Variants in NDUFA10 observed in about 807,000 individuals in gnomAD.
The protein encoded by NDUFA10 is NADH:ubiquinone oxidoreductase subunit A10.
A neutral mutation model predicts 47.8 loss-of-function variants in NDUFA10; 40 were observed. The observed-to-expected ratio is 0.84, with a 90% confidence interval of 0.65 to 1.09. The LOEUF (loss-of-function observed/expected upper bound fraction) is 1.09. NDUFA10 is among the 50% of genes least tolerant of loss of function. The probability of loss-of-function intolerance (pLI) is 0.00; values close to 1 mark genes in which losing one functional copy is unlikely to be tolerated. For synonymous variants in NDUFA10, 183 were observed against 172.2 expected (o/e 1.06, Z -0.49); for missense variants, 413 against 451.1 (o/e 0.92, Z 0.76).
At chr2:240,021,086 C>T in intron 3 of NDUFA10, 111 bp downstream of exon 3, 1 of 854,516 alleles carries the variant, frequency 1.2e-6, no homozygotes, top group Admixed American at 2.0e-5. Flanking sequence ...ACAGAACTCA[C>T]CTCATCAAAC....
At position 239,988,831 on chromosome 2, in the gene NDUFA10, G is replaced by A. The variant is rs150462906; in HGVS notation, c.999+1243C>T. ...AGAAACAGCACATGCACTCACACAC[G>A]TGTACAAGGACAGAAAGGGAGACAC... On this transcript the variant is annotated intron_variant, in intron 9 of 9. Transcript: ENST00000252711. Among the ~76,000 whole-genome samples the A allele has an allele frequency of 7.8e-4, 119 of 151,782 alleles. 2 individuals carry two copies. In the South Asian group the frequency reaches 0.014, roughly 17 times the overall value.
intron 1 of NDUFA10, 145 bp downstream of exon 1, chr2:240,025,082 C>T: frequency 1.3e-6 from 1 of 768,734 alleles, no homozygotes; most frequent in Non-Finnish European, 1.9e-6. Flanking sequence ...CAAACAATTC[C>T]GGAGGCAGGA....
At chr2:240,003,875 G>A (rs1696831398) in intron 8 of NDUFA10, among the ~76,000 whole-genome samples, 2 of 152,156 alleles carry the variant, frequency 1.3e-5, no homozygotes, top group South Asian at 2.1e-4. Context: ...GGGGATCACC[G>A]GTGGGAAGGT....
chr2:239,895,770 C>T (rs142487885), intron 4 of NDUFA10, among the ~76,000 whole-genome samples: 5 of 152,260 alleles, frequency 3.3e-5, no homozygotes, highest in Non-Finnish European at 7.4e-5. Flanking sequence ...TTAATTTTTA[C>T]CTTAACAGTG....
intron 8 of NDUFA10, among the ~76,000 whole-genome samples, chr2:239,999,609 T>C (rs1378443885): frequency 6.6e-6 from 1 of 152,206 alleles, no homozygotes; most frequent in African/African-American, 2.4e-5. Flanking sequence ...CCTGGGTGTC[T>C]CACCATCCTG....
chr2:239,898,273 A>G (rs915913408), intron 4 of NDUFA10, among the ~76,000 whole-genome samples: 4 of 152,260 alleles, frequency 2.6e-5, no homozygotes, highest in African/African-American at 4.8e-5. Flanking sequence ...TCTGAAGTCT[A>G]CAGTGGCATT....
intron 4 of NDUFA10, among the ~76,000 whole-genome samples, chr2:239,896,848 T>C (rs1437700229): frequency 6.6e-6 from 1 of 152,226 alleles, no homozygotes; most frequent in Non-Finnish European, 1.5e-5. Flanking sequence ...AGGGGAATAG[T>C]TGGCACAAGA....
intron 8 of NDUFA10, among the ~76,000 whole-genome samples, chr2:239,995,972 C>G (rs1696457946): frequency 6.6e-6 from 1 of 152,142 alleles, no homozygotes; most frequent in Admixed American, 6.5e-5. Context: ...GAGAAATAGA[C>G]AAATCCAGCG....
chr2:240,018,645 T>C lies in NDUFA10; in HGVS notation c.461-6A>G. The C allele has an allele frequency of 6.2e-7, 1 of 1,614,056 alleles. No individual in the cohort carries two copies. Among genetic ancestry groups the C allele is most frequent in the Non-Finnish European group, 8.5e-7 (1 of 1,179,972 alleles). On this transcript the variant is annotated splice_polypyrimidine_tract_variant and splice_region_variant and intron_variant, in intron 3 of 9. Coordinates refer to ENST00000252711, the MANE Select transcript of NDUFA10 (RefSeq NM_004544.4). The stretch of plus-strand genomic sequence containing the variant: ...CTCCAACACAACACCTTGTCCTGTT[T>C]AAACATAGGCAAACAGAAATTGAAA...
intron 9 of NDUFA10, among the ~76,000 whole-genome samples, chr2:239,974,316 G>A (rs1695423701): frequency 6.6e-6 from 1 of 152,182 alleles, no homozygotes. Context: ...AGGTGCCTGA[G>A]AGCCATCAGG....
intron 9 of NDUFA10, among the ~76,000 whole-genome samples, chr2:239,971,632 A>G (rs1695308942): frequency 6.6e-6 from 1 of 152,198 alleles, no homozygotes. Context: ...TCTCTGTTTT[A>G]AAAGAGACAG....
intron 4 of NDUFA10, among the ~76,000 whole-genome samples, chr2:239,910,557 C>T (rs1377746466): frequency 6.6e-6 from 1 of 151,950 alleles, no homozygotes; most frequent in Non-Finnish European, 1.5e-5. Flanking sequence ...ACACTGGGGC[C>T]TGCTGGGGGG....
At chr2:239,997,006 G>A (rs1696508299) in intron 8 of NDUFA10, among the ~76,000 whole-genome samples, 1 of 151,816 alleles carries the variant, frequency 6.6e-6, no homozygotes. Flanking sequence ...CAATGTAAAT[G>A]CTATATAAAT....
chr2:239,918,344 G>A (rs1245293767), intron 4 of NDUFA10, among the ~76,000 whole-genome samples: 1 of 152,152 alleles, frequency 6.6e-6, no homozygotes, highest in Non-Finnish European at 1.5e-5. Context: ...GCGCCCCATC[G>A]CCCTTGCTCT....
intron 9 of NDUFA10, among the ~76,000 whole-genome samples, chr2:239,980,046 G>A (rs1036366853): frequency 6.6e-5 from 10 of 151,946 alleles, no homozygotes; most frequent in African/African-American, 2.4e-4. Flanking sequence ...AGTCCCCTGC[G>A]TCAGGTGCCT....
intron 4 of NDUFA10, among the ~76,000 whole-genome samples, chr2:239,931,897 G>T (rs1386313880): frequency 7.0e-6 from 1 of 143,864 alleles, no homozygotes; most frequent in Admixed American, 7.1e-5. Flanking sequence ...GTGCAGTGGT[G>T]CGATCTCGGC....
chr2:239,953,071 G>T (rs113934335), downstream of NDUFA10, among the ~76,000 whole-genome samples: 1 of 152,184 alleles, frequency 6.6e-6, no homozygotes, highest in Non-Finnish European at 1.5e-5. Context: ...AAGGACAGCC[G>T]CATCCTGATC....
At chr2:239,964,463 TA>T (rs1156998771) in intron 9 of NDUFA10, among the ~76,000 whole-genome samples, 2 of 152,110 alleles carry the variant, frequency 1.3e-5, no homozygotes, top group Non-Finnish European at 2.9e-5. Flanking sequence ...GATGCATGTG[TA>T]TTGTTTTAAG....
intron 4 of NDUFA10, among the ~76,000 whole-genome samples, chr2:239,952,118 CA>C (rs1694565061): frequency 6.6e-6 from 1 of 152,312 alleles, no homozygotes; most frequent in South Asian, 2.1e-4. Context: ...ACACATGTGC[CA>C]CACCTGCTCG....
Sources: gnomAD v4.1 joint callset for allele counts (sites outside exome capture counted in the v4.1 genomes callset) on GRCh38, gnomAD v4.1.1 for gene constraint, MANE v1.5 for transcripts, NCBI Gene and HGNC (gene_info 2026-07-23, HGNC 2026-07-21) for gene names.